The following ZNF33B variants were observed in gnomAD, a reference collection of about 807,000 sequenced individuals.
The protein encoded by ZNF33B is zinc finger protein 11b (KOX 2).
Under a neutral mutation model 45.8 loss-of-function variants are expected in ZNF33B, and 29 were observed. The observed-to-expected ratio is 0.63, with a 90% confidence interval of 0.47 to 0.86. The LOEUF (loss-of-function observed/expected upper bound fraction) is 0.86. Among genes scored for constraint, ZNF33B ranks in the 40% least tolerant of loss-of-function variants. The pLI, the probability that ZNF33B is intolerant of heterozygous loss-of-function variation, is 0.00. For synonymous variants in ZNF33B, 305 were observed against 307.8 expected, an observed-to-expected ratio of 0.99 and a Z score of 0.10; for missense variants, 831 against 909.9, an observed-to-expected ratio of 0.91 and a Z score of 1.12.
intron 4 of ZNF33B, among the ~76,000 whole-genome samples, chr10:42,622,206 C>T (rs1228454941): frequency 6.6e-6 from 1 of 152,138 alleles, no homozygotes; most frequent in Non-Finnish European, 1.5e-5. Context: ...ATAAAGGAAA[C>T]AGTATCTCAT....
intron 4 of ZNF33B, among the ~76,000 whole-genome samples, chr10:42,616,515 C>A (rs1006763950): frequency 6.6e-6 from 1 of 152,090 alleles, no homozygotes; most frequent in Non-Finnish European, 1.5e-5. Context: ...ATCGTCTGCA[C>A]ACAAAATGAA....
chr10:42,621,808 CT>C (rs1165321084), intron 4 of ZNF33B, among the ~76,000 whole-genome samples: 1 of 145,398 alleles, frequency 6.9e-6, no homozygotes, highest in Non-Finnish European at 1.5e-5. Context: ...AAAATACCCA[CT>C]TTTGCCAGTG....
chr10:42,616,433 C>T (rs1227244729), intron 4 of ZNF33B, among the ~76,000 whole-genome samples: 1 of 152,028 alleles, frequency 6.6e-6, no homozygotes, highest in African/African-American at 2.4e-5. Context: ...TACAGCCAAC[C>T]ACCTCACTAA....
intron 1 of ZNF33B, among the ~76,000 whole-genome samples, chr10:42,583,888 A>T (rs1461147914): frequency 6.6e-6 from 1 of 152,198 alleles, no homozygotes; most frequent in East Asian, 1.9e-4. Flanking sequence ...TGGGCTCAGA[A>T]CTGAAGAGCT....
At position 42,592,615 on chromosome 10, in the gene ZNF33B, A is replaced by G; in HGVS notation, c.2335T>C (p.Ter779ArgextTer4). Residue 779 changes from the stop codon to arginine (R), a stop_lost, in exon 5 of 5, where the codon TGA (stop) becomes CGA (arginine). Transcript: ENST00000359467. ...RTHIGEKPYE[*>R] ...GCTGGAAATTTCTAATATCCAATTCATTCATAAGGTTTTTCTCCTATGTGT... is the reference window on the plus strand; with the variant it reads ...GCTGGAAATTTCTAATATCCAATTCGTTCATAAGGTTTTTCTCCTATGTGT... The G allele has an allele frequency of 1.2e-6, 2 of 1,610,592 alleles. No individual in the cohort carries two copies. The highest frequency in any genetic ancestry group is 1.7e-6 in the Non-Finnish European group (2 of 1,178,152).
chr10:42,607,159 G>A (rs964712208), intron 4 of ZNF33B, among the ~76,000 whole-genome samples: 1 of 152,028 alleles, frequency 6.6e-6, no homozygotes, highest in Non-Finnish European at 1.5e-5. Flanking sequence ...CTATATATAG[G>A]TAATGTTTCT....
rs769965971 is a variant in ZNF33B at position 42,592,737 on chromosome 10, T to G, written c.2213A>C (p.Lys738Thr). ...KIFYRKSDLA[K>T]HQRSHTGEKP... is the part of the protein sequence containing the mutation. ...TTCCCCTGTATGTGATCTCTGATGT[T>G]TAGCAAGGTCTGATTTACGGTAAAA... The change falls in exon 5 of 5, where the codon AAA becomes ACA. Residue 738 changes from lysine to threonine, a missense_variant. By Grantham distance (78) the Lys-to-Thr change is moderately conservative. Transcript: ENST00000359467. 1.2e-6 allele frequency: 2 copies of G among 1,614,126 alleles called. No individual in the cohort carries two copies. The highest frequency in any genetic ancestry group is 4.5e-5 in the East Asian group (2 of 44,874).
At chr10:42,629,758 G>C (rs976398484) in intron 4 of ZNF33B, among the ~76,000 whole-genome samples, 32 of 151,688 alleles carry the variant, frequency 2.1e-4, no homozygotes, top group African/African-American at 7.7e-4. Context: ...CTTATTTTCT[G>C]ATTAGTTACC....
In ZNF33B at chr10:42,591,219, A is replaced by C; in HGVS notation, c.*1394T>G. ...AAATGACAGTCCAACAGCCCTGGGC[A>C]GCAACTGGGCTGTATGTGTGGGCCT... On this transcript the variant is annotated 3_prime_UTR_variant, in exon 5 of 5. Coordinates refer to ENST00000359467, the MANE Select transcript of ZNF33B (RefSeq NM_006955.3). 1 of 890,370 alleles carries C rather than the reference A, an allele frequency of 1.1e-6. No homozygotes were observed. The highest frequency in any genetic ancestry group is 1.3e-6 in the Non-Finnish European group (1 of 743,808). The allele number at this position is 890,370 out of a possible 1,614,324, so 55.2% of individuals were successfully genotyped here.
At chr10:42,600,444 G>A (rs2132060478) in intron 4 of ZNF33B, among the ~76,000 whole-genome samples, 1 of 152,142 alleles carries the variant, frequency 6.6e-6, no homozygotes, top group South Asian at 2.1e-4. Context: ...CTTTATCACT[G>A]GTATTCCTGG....
At chr10:42,598,719 G>C (rs1434046335) in intron 4 of ZNF33B, among the ~76,000 whole-genome samples, 1 of 152,210 alleles carries the variant, frequency 6.6e-6, no homozygotes, top group East Asian at 1.9e-4. Flanking sequence ...CTTTTCAAAT[G>C]TTGAAAAAGC....
chr10:42,596,651 T>C lies in ZNF33B; in HGVS notation c.251-1952A>G, dbSNP rs184142550. Among the ~76,000 whole-genome samples, 614 of 152,248 alleles carry C rather than the reference T, an allele frequency of 4.0e-3. 1 individual carries two copies. Among genetic ancestry groups the C allele is most frequent in the African/African-American group, 0.014 (598 of 41,568 alleles). On this transcript the variant is annotated intron_variant, in intron 4 of 4. Transcript: ENST00000359467. ...CAGTGGATTATTGTTTCTAGTGTGG[T>C]CTTTCACATCTTTTGCCAGACATAG...
At chr10:42,604,921 CAAA>C (rs199627927) in intron 4 of ZNF33B, among the ~76,000 whole-genome samples, 3 of 92,318 alleles carry the variant, frequency 3.2e-5, no homozygotes, top group Non-Finnish European at 2.3e-5. Context: ...AATTTCATCT[CAAA>C]AAAAAAAAAA....
chr10:42,623,622 T>C (rs1432085462), intron 4 of ZNF33B, among the ~76,000 whole-genome samples: 1 of 152,152 alleles, frequency 6.6e-6, no homozygotes, highest in African/African-American at 2.4e-5. Flanking sequence ...ATTCACAACA[T>C]TCAAAACTCA....
chr10:42,618,390 G>A (rs1337522013), intron 4 of ZNF33B, among the ~76,000 whole-genome samples: 1 of 152,180 alleles, frequency 6.6e-6, no homozygotes, highest in East Asian at 1.9e-4. Context: ...CCATAAAACT[G>A]CTATAAAATT....
At chr10:42,601,634 C>T (rs546651658) in intron 4 of ZNF33B, among the ~76,000 whole-genome samples, 25 of 151,750 alleles carry the variant, frequency 1.6e-4, no homozygotes, top group East Asian at 2.0e-4. Context: ...CCACCACACC[C>T]GGCTAATTTT....
chr10:42,612,696 T>G (rs1254136174), intron 4 of ZNF33B, among the ~76,000 whole-genome samples: 1 of 152,198 alleles, frequency 6.6e-6, no homozygotes, highest in African/African-American at 2.4e-5. Flanking sequence ...CTTTTAGGAT[T>G]AGAGAAAAAA....
Position 42,626,075 on chromosome 10 carries a change from AT to A in ZNF33B, c.250+5853del, listed in dbSNP as rs376344981. On this transcript the variant is annotated intron_variant, in intron 4 of 4. Transcript: ENST00000359467. ...GATCCTCTTAATGTCTTGTATAGAG[AT>A]TTTTTATCATGGATGCATACTGCAT... 3.5e-4 allele frequency among the ~76,000 whole-genome samples: 53 copies of A among 152,272 alleles called. 2 individuals carry two copies. The East Asian group carries it at 0.01, about 29-fold the overall frequency.
At chr10:42,595,766 A>G (rs1473309052) in intron 4 of ZNF33B, among the ~76,000 whole-genome samples, 1 of 152,220 alleles carries the variant, frequency 6.6e-6, no homozygotes, top group Non-Finnish European at 1.5e-5. Context: ...ACACCAGAAG[A>G]AAATGCCATC....
Sources: gnomAD v4.1 joint callset for allele counts (sites outside exome capture counted in the v4.1 genomes callset) on GRCh38, gnomAD v4.1.1 for gene constraint, MANE v1.5 for transcripts, NCBI Gene and HGNC (gene_info 2026-07-23, HGNC 2026-07-21) for gene names.